The following LDLRAD4 variants were observed in gnomAD, a reference collection of about 807,000 sequenced individuals.
The protein encoded by LDLRAD4 is low density lipoprotein receptor class A domain containing 4.
LDLRAD4 carries 5 observed loss-of-function variants against 17.0 expected under a neutral mutation model. That is an observed-to-expected ratio of 0.29 (90% confidence interval 0.15 to 0.62). The LOEUF (loss-of-function observed/expected upper bound fraction) is 0.62. LDLRAD4 is among the 20% of genes least tolerant of loss of function. The pLI is 0.84. For missense variants in LDLRAD4, 340 were observed against 424.7 expected, an observed-to-expected ratio of 0.80 and a Z score of 1.75; for synonymous variants, 168 against 171.8, an observed-to-expected ratio of 0.98 and a Z score of 0.17.
chr18:13,341,748 A>G (rs918474333), intron 1 of LDLRAD4, among the ~76,000 whole-genome samples: 1 of 152,076 alleles, frequency 6.6e-6, no homozygotes, highest in South Asian at 2.1e-4. Context: ...CCTGATTGCT[A>G]TGGCTAGGAC....
intron 1 of LDLRAD4, among the ~76,000 whole-genome samples, chr18:13,321,859 CTCAAAAAAAAAAAAAA>C (rs2081239975): frequency 2.9e-5 from 1 of 34,164 alleles, no homozygotes; most frequent in Non-Finnish European, 5.3e-5. Context: ...GAGACTCCGT[CTCAAAAAAAAAAAAAA>C]AAAAAAAAAA....
chr18:13,224,013 C>T (rs1406685645), intron 1 of LDLRAD4, among the ~76,000 whole-genome samples: 1 of 152,196 alleles, frequency 6.6e-6, no homozygotes, highest in Non-Finnish European at 1.5e-5. Flanking sequence ...ATACAGGTCC[C>T]ACTGGGACTC....
rs181322932 is a variant in LDLRAD4, at chr18:13,245,114, G to A, written c.-467+26126G>A. ...AAGTGGGAGCTGTGCCTGAGTCAGC[G>A]TCATGAGGGAAAATGTGGAGAAACC... On this transcript the variant is annotated intron_variant, in intron 1 of 5. Coordinates refer to the LDLRAD4 transcript ENST00000399848. Among the ~76,000 whole-genome samples the A allele has an allele frequency of 8.5e-5, 13 of 152,304 alleles. No individual in the cohort carries two copies. The East Asian group carries it at 1.4e-3, about 16-fold the overall frequency.
At chr18:13,608,073 G>C (rs2095241793) in intron 3 of LDLRAD4, among the ~76,000 whole-genome samples, 1 of 148,482 alleles carries the variant, frequency 6.7e-6, no homozygotes, top group Non-Finnish European at 1.5e-5. Context: ...CAGTGTAAAA[G>C]AAAAAACAAC....
upstream of LDLRAD4, among the ~76,000 whole-genome samples, chr18:13,277,406 G>T (rs577459233): frequency 6.6e-6 from 1 of 152,332 alleles, no homozygotes; most frequent in East Asian, 1.9e-4. Flanking sequence ...GATACCCGGC[G>T]CTCCACCTGG....
intron 1 of LDLRAD4, among the ~76,000 whole-genome samples, chr18:13,343,790 T>C (rs1280500014): frequency 6.6e-6 from 1 of 152,210 alleles, no homozygotes; most frequent in African/African-American, 2.4e-5. Flanking sequence ...TGGTGTGAGA[T>C]GGTATCTCAT....
chr18:13,348,397 A>T (rs942737544), intron 1 of LDLRAD4, among the ~76,000 whole-genome samples: 4 of 152,150 alleles, frequency 2.6e-5, no homozygotes, highest in African/African-American at 9.7e-5. Flanking sequence ...AATATTGGTG[A>T]ACAGCAAATG....
At chr18:13,316,131 C>G (rs2867876) in intron 1 of LDLRAD4, among the ~76,000 whole-genome samples, 60,043 of 151,924 alleles carry the variant, frequency 0.4, 12,355 homozygotes, top group African/African-American at 0.51. Flanking sequence ...GCCATAAATT[C>G]AAGAAACTTT....
At chr18:13,445,632 TGAGA>T (rs781084418) in intron 3 of LDLRAD4, among the ~76,000 whole-genome samples, 8 of 150,824 alleles carry the variant, frequency 5.3e-5, no homozygotes, top group East Asian at 4.1e-4. Context: ...CGTGTGTGTG[TGAGA>T]GAGTCTGATG....
intron 3 of LDLRAD4, chr18:13,490,751 A>G (rs2093341785): frequency 1.3e-5 from 2 of 152,222 alleles, no homozygotes; most frequent in African/African-American, 4.8e-5. Flanking sequence ...GTGTTCCAGA[A>G]AGGAGTAAAT....
intron 2 of LDLRAD4, among the ~76,000 whole-genome samples, chr18:13,414,304 C>G (rs539642392): frequency 6.6e-6 from 1 of 152,304 alleles, no homozygotes; most frequent in African/African-American, 2.4e-5. Flanking sequence ...CTCTTGGAGC[C>G]CGTTTCATCC....
At chr18:13,461,461 G>C (rs900692623) in intron 3 of LDLRAD4, 1 of 152,192 alleles carries the variant, frequency 6.6e-6, no homozygotes, top group African/African-American at 2.4e-5. Context: ...CTGGTCCTTG[G>C]CATCTTGAAC....
intron 3 of LDLRAD4, among the ~76,000 whole-genome samples, chr18:13,578,290 T>C (rs1443077010): frequency 6.6e-6 from 1 of 152,240 alleles, no homozygotes; most frequent in East Asian, 1.9e-4. Flanking sequence ...AATTACCACC[T>C]TACTACTTTA....
chr18:13,325,003 A>G (rs2081444481), intron 1 of LDLRAD4, among the ~76,000 whole-genome samples: 1 of 152,184 alleles, frequency 6.6e-6, no homozygotes, highest in Non-Finnish European at 1.5e-5. Flanking sequence ...TAAAGTAAAC[A>G]TAGAGTAGAG....
At chr18:13,297,769 C>T (rs369053730) in intron 1 of LDLRAD4, among the ~76,000 whole-genome samples, 1 of 152,228 alleles carries the variant, frequency 6.6e-6, no homozygotes, top group East Asian at 1.9e-4. Context: ...CACTGCACTC[C>T]AGCTAGGGTG....
chr18:13,406,373 C>T lies in LDLRAD4; in HGVS notation c.40+18611C>T, dbSNP rs576830974. ...ATGACAGTGACCTGTAAGCAAGAAGCTTGGGACCTCTATATGTCAGGAAGT... is the reference window on the plus strand; with the variant it reads ...ATGACAGTGACCTGTAAGCAAGAAGTTTGGGACCTCTATATGTCAGGAAGT... On this transcript the variant is annotated intron_variant, in intron 2 of 5. Coordinates refer to ENST00000359446, the Ensembl canonical transcript of LDLRAD4. Among the ~76,000 whole-genome samples, 18 of 152,272 alleles carry T rather than the reference C, an allele frequency of 1.2e-4. No homozygotes were observed. The South Asian group carries it at 3.3e-3, about 28-fold the overall frequency.
At chr18:13,278,856 T>C (rs1203021653) in intron 1 of LDLRAD4, among the ~76,000 whole-genome samples, 1 of 152,132 alleles carries the variant, frequency 6.6e-6, no homozygotes, top group Non-Finnish European at 1.5e-5. Flanking sequence ...TTTTGGCAAA[T>C]GAAACAACTT....
intron 1 of LDLRAD4, among the ~76,000 whole-genome samples, chr18:13,348,648 G>T (rs1272281466): frequency 6.6e-6 from 1 of 152,104 alleles, no homozygotes; most frequent in African/African-American, 2.4e-5. Flanking sequence ...GCCTTTTGTT[G>T]GGCTATGCCC....
intron 2 of LDLRAD4, among the ~76,000 whole-genome samples, chr18:13,427,150 C>A (rs1027689858): frequency 1.3e-5 from 2 of 152,140 alleles, no homozygotes; most frequent in Admixed American, 6.5e-5. Flanking sequence ...TGCGCCACTG[C>A]ACTCCAGCCT....
Sources: allele counts gnomAD v4.1 joint callset (sites outside exome capture counted in the v4.1 genomes callset), GRCh38; gene constraint gnomAD v4.1.1; transcripts MANE v1.5; gene names NCBI Gene and HGNC (gene_info 2026-07-23, HGNC 2026-07-21).